SCIN: variants seen among roughly 807,000 people sequenced by gnomAD.
SCIN encodes the protein adseverin.
A neutral mutation model predicts 91.8 loss-of-function variants in SCIN; 91 were observed. That is an observed-to-expected ratio of 0.99 (90% CI 0.84 to 1.18). The LOEUF is 1.18. SCIN is among the 50% of genes most tolerant of loss of function. The pLI is 0.00. For synonymous variants in SCIN, 367 were observed against 312.6 expected, an observed-to-expected ratio of 1.17 and a Z score of -1.84; for missense variants, 1,087 against 863.9, an observed-to-expected ratio of 1.26 and a Z score of -3.24.
intron 1 of SCIN, chr7:12,571,426 G>T: frequency 2.9e-6 from 1 of 349,328 alleles, no homozygotes. Flanking sequence ...GGCATCTGCC[G>T]CCGCTAGGAA....
chr7:12,645,099 C>T (rs1783935692), intron 13 of SCIN, among the ~76,000 whole-genome samples: 1 of 150,796 alleles, frequency 6.6e-6, no homozygotes. Flanking sequence ...ACGGGTGTAT[C>T]ACGAGATCAA....
intron 3 of SCIN, among the ~76,000 whole-genome samples, chr7:12,591,863 G>T (rs900370884): frequency 2.0e-5 from 3 of 152,140 alleles, no homozygotes; most frequent in Non-Finnish European, 4.4e-5. Flanking sequence ...CATGGAGATG[G>T]AGAGTTGGGC....
At chr7:12,601,598 A>T (rs1487583983) in intron 3 of SCIN, among the ~76,000 whole-genome samples, 2 of 152,094 alleles carry the variant, frequency 1.3e-5, no homozygotes, top group Non-Finnish European at 2.9e-5. Context: ...TTTTTTCTTA[A>T]TTATCTCTGT....
intron 13 of SCIN, among the ~76,000 whole-genome samples, chr7:12,649,261 C>G (rs1411747504): frequency 1.3e-5 from 2 of 152,118 alleles, no homozygotes; most frequent in Non-Finnish European, 2.9e-5. Flanking sequence ...ATATTAAATA[C>G]TGTTCTGGCC....
chr7:12,621,288 G>T (rs962612287), intron 4 of SCIN, among the ~76,000 whole-genome samples: 30 of 152,012 alleles, frequency 2.0e-4, no homozygotes, highest in African/African-American at 7.2e-4. Flanking sequence ...ACAATATATG[G>T]CATCTCTCTA....
intron 2 of SCIN, among the ~76,000 whole-genome samples, chr7:12,578,882 T>C (rs1315155779): frequency 6.7e-6 from 1 of 149,064 alleles, no homozygotes; most frequent in Non-Finnish European, 1.5e-5. Context: ...GTTCTATCCC[T>C]TTAAGGCAGC....
At chr7:12,573,988 A>G (rs925679794) in intron 1 of SCIN, among the ~76,000 whole-genome samples, 10 of 152,154 alleles carry the variant, frequency 6.6e-5, no homozygotes, top group Non-Finnish European at 1.5e-4. Flanking sequence ...AGAGTTTAGT[A>G]GTTTCTTACA....
intron 4 of SCIN, among the ~76,000 whole-genome samples, chr7:12,610,518 G>C (rs914928643): frequency 1.3e-5 from 2 of 152,154 alleles, no homozygotes; most frequent in African/African-American, 2.4e-5. Context: ...TTGCCCACTC[G>C]TATTTGGATA....
At chr7:12,625,658 A>T in intron 6 of SCIN, 104 bp from the exon 7 acceptor site, 1 of 882,556 alleles carries the variant, frequency 1.1e-6, no homozygotes, top group Non-Finnish European at 1.7e-6. Flanking sequence ...TGCTGTATTT[A>T]ACTTCAATTA....
In SCIN at chr7:12,640,525, C is replaced by G; in HGVS notation, c.1581+8C>G. ...ATCACCAGAATTGTGGAGGTAATGT[C>G]ATGCATTCCATAAAACATGCCCTAG... On this transcript the variant is annotated splice_region_variant and intron_variant, in intron 11 of 15. Transcript: ENST00000297029. The G allele has an allele frequency of 6.3e-7, 1 of 1,599,414 alleles. No individual in the cohort carries two copies. Among genetic ancestry groups the G allele is most frequent in the Non-Finnish European group, 8.5e-7 (1 of 1,173,606 alleles).
chr7:12,615,538 A>C (rs953396291), intron 4 of SCIN, among the ~76,000 whole-genome samples: 3 of 152,068 alleles, frequency 2.0e-5, no homozygotes, highest in African/African-American at 7.2e-5. Context: ...AGTCAATTAA[A>C]CCTTTTTTCT....
At chr7:12,571,069 A>C in intron 1 of SCIN, 84 bp downstream of exon 1, 1 of 1,390,874 alleles carries the variant, frequency 7.2e-7, no homozygotes, top group African/African-American at 1.4e-5. Context: ...CAGGCGTGGG[A>C]GTAAAGGGGA....
intron 4 of SCIN, 86 bp from the exon 5 acceptor site, chr7:12,622,715 C>G (rs1280288148): frequency 4.5e-6 from 4 of 894,692 alleles, no homozygotes; most frequent in Non-Finnish European, 7.2e-6. Context: ...ATTTTATAAT[C>G]CATGTCTTTA....
At chr7:12,600,848 C>G (rs530547167) in intron 3 of SCIN, among the ~76,000 whole-genome samples, 46 of 152,266 alleles carry the variant, frequency 3.0e-4, no homozygotes, top group Admixed American at 1.3e-3. Context: ...CCTTGCTACT[C>G]TATTATCTGA....
chr7:12,635,607 G>A (rs1247778053), intron 9 of SCIN, among the ~76,000 whole-genome samples: 2 of 35,008 alleles, frequency 5.7e-5, no homozygotes, highest in South Asian at 3.5e-3. Flanking sequence ...GCAGGACTCC[G>A]TCTCAAAAAA....
rs550692382 is a variant in SCIN, at chr7:12,656,838, G to C, written c.*4123G>C. Reference sequence around the variant, plus strand: ...CTCGGGAGGCTGAGGCAGGAGAATCGCTTGAACCCGGGAGGCGGAGGTTGG... The same window carrying C: ...CTCGGGAGGCTGAGGCAGGAGAATCCCTTGAACCCGGGAGGCGGAGGTTGG... On this transcript the variant is annotated 3_prime_UTR_variant, in exon 16 of 16. Transcript: ENST00000297029. 1.8e-4 allele frequency: 28 copies of C among 152,076 alleles called. No individual in the cohort carries two copies. Among genetic ancestry groups the C allele is most frequent in the African/African-American group, 6.3e-4 (26 of 41,448 alleles). 9.4% of individuals were successfully genotyped at this position (152,076 alleles called of 1,614,324 possible). A position where few individuals can be genotyped will look rare whatever the true frequency, so the allele number is the denominator to read the frequency against.
chr7:12,577,247 GA>G (rs1466496575), intron 1 of SCIN, among the ~76,000 whole-genome samples: 1 of 151,980 alleles, frequency 6.6e-6, no homozygotes, highest in Non-Finnish European at 1.5e-5. Flanking sequence ...GTGAAGTAGG[GA>G]AAAAGACCAA....
chr7:12,616,591 A>G (rs1783303870), intron 4 of SCIN, among the ~76,000 whole-genome samples: 1 of 152,160 alleles, frequency 6.6e-6, no homozygotes, highest in African/African-American at 2.4e-5. Flanking sequence ...TAGTTCACCT[A>G]AAGCAGGGAT....
Position 12,629,323 on chromosome 7 carries a change from T to C in SCIN, c.1319+101T>C, listed in dbSNP as rs568697838. ...ATGGGGTAGAATAATCCTATAATCA[T>C]CCCAGTGAGATTTGTATAGCATGCA... On this transcript the variant is annotated intron_variant, in intron 9 of 15. Coordinates refer to ENST00000297029, the MANE Select transcript of SCIN (RefSeq NM_001112706.3). 69 of 1,145,988 alleles carry C rather than the reference T, an allele frequency of 6.0e-5. No individual in the cohort carries two copies. The African/African-American group carries it at 8.5e-4, about 14-fold the overall frequency. 71.0% of individuals were successfully genotyped at this position (1,145,988 alleles called of 1,614,324 possible).
Sources: allele counts gnomAD v4.1 joint callset (sites outside exome capture counted in the v4.1 genomes callset), GRCh38; gene constraint gnomAD v4.1.1; transcripts MANE v1.5; gene names NCBI Gene and HGNC (gene_info 2026-07-23, HGNC 2026-07-21).